The following PCNX1 variants were observed in gnomAD, a reference collection of about 807,000 sequenced individuals.
PCNX1 encodes pecanex-like protein 1.
PCNX1 carries 78 observed loss-of-function variants against 242.2 expected under a neutral mutation model. The ratio of observed to expected loss-of-function variants is 0.32; its 90% CI spans 0.27 to 0.39. PCNX1 has a LOEUF of 0.39. Ranked by LOEUF, PCNX1 falls within the 10% of genes least tolerant of loss-of-function variation. The probability of loss-of-function intolerance (pLI) is 1.00; values close to 1 mark genes in which losing one functional copy is unlikely to be tolerated. For missense variants in PCNX1, 2,581 were observed against 2,856.5 expected, an observed-to-expected ratio of 0.90 and a Z score of 2.20; for synonymous variants, 1,024 against 1,032.9, an observed-to-expected ratio of 0.99 and a Z score of 0.17.
chr14:70,995,612 T>C (rs1268111228), intron 7 of PCNX1, 129 bp from the exon 8 acceptor site: 1 of 695,264 alleles, frequency 1.4e-6, no homozygotes, highest in Non-Finnish European at 2.4e-6. Flanking sequence ...GCAAAGTTTG[T>C]TGGCGCTTTC....
intron 1 of PCNX1, among the ~76,000 whole-genome samples, chr14:70,927,719 A>G (rs1168070655): frequency 6.6e-6 from 1 of 151,866 alleles, no homozygotes; most frequent in Non-Finnish European, 1.5e-5. Flanking sequence ...GCTCCCTAGT[A>G]ATTGAGATTA....
At chr14:70,964,928 T>C (rs2058332252) in intron 3 of PCNX1, among the ~76,000 whole-genome samples, 1 of 152,228 alleles carries the variant, frequency 6.6e-6, no homozygotes, top group Admixed American at 6.5e-5. Flanking sequence ...TTAGAGAAGC[T>C]GAAGTGAGGA....
intron 13 of PCNX1, among the ~76,000 whole-genome samples, chr14:71,024,478 G>T (rs2060186259): frequency 6.6e-6 from 1 of 151,696 alleles, no homozygotes; most frequent in Admixed American, 6.6e-5. Context: ...CCCTCAATTT[G>T]AGTTTGTCTG....
At chr14:70,909,808 T>C (rs989401990) in intron 1 of PCNX1, among the ~76,000 whole-genome samples, 1 of 152,082 alleles carries the variant, frequency 6.6e-6, no homozygotes, top group Non-Finnish European at 1.5e-5. Context: ...CTTATCTCAA[T>C]TAATGGCAGT....
rs1395526819 is a variant in PCNX1 at position 70,969,056 on chromosome 14, A to G, written c.550A>G (p.Ser184Gly). The G allele has an allele frequency of 1.2e-6, 2 of 1,610,688 alleles. No individual in the cohort carries two copies. Among genetic ancestry groups the G allele is most frequent in the Non-Finnish European group, 8.5e-7 (1 of 1,176,994 alleles). ...TDTAKTSDDI[S>G]LSLGQSSSLC... ...CACTGCTAAGACTTCTGATGATATC[A>G]GTTTAAGTCTGGGCCAAAGTTCTAG... Residue 184 changes from serine to glycine, a missense_variant, in exon 5 of 36, where the codon AGT (serine) becomes GGT (glycine). Ser to Gly is a moderately conservative substitution (Grantham distance 56). Around this residue, in one of 9 missense-constraint regions of PCNX1, gnomAD observed 1,204 missense variants for 1,216.7 expected, o/e 0.99. Transcript: ENST00000304743.
chr14:71,002,437 T>C (rs966331933), intron 8 of PCNX1, among the ~76,000 whole-genome samples: 4 of 152,330 alleles, frequency 2.6e-5, no homozygotes, highest in African/African-American at 9.6e-5. Context: ...TTTTAACAGA[T>C]GTGTATACCC....
At chr14:71,048,507 G>C (rs1219008991) in intron 22 of PCNX1, among the ~76,000 whole-genome samples, 1 of 152,172 alleles carries the variant, frequency 6.6e-6, no homozygotes, top group Non-Finnish European at 1.5e-5. Context: ...TTGGTCCTCT[G>C]CCTCCTAACC....
At chr14:71,011,340 G>A in intron 9 of PCNX1, 152 bp from the exon 10 acceptor site, 1 of 638,288 alleles carries the variant, frequency 1.6e-6, no homozygotes, top group Non-Finnish European at 2.8e-6. Context: ...CTGACCCAGA[G>A]TCTATGTGCT....
chr14:71,083,770 A>G (rs866446515), intron 28 of PCNX1, among the ~76,000 whole-genome samples: 5 of 152,150 alleles, frequency 3.3e-5, no homozygotes, highest in African/African-American at 1.2e-4. Context: ...CAAGGTTCTT[A>G]GCTTCCTTGC....
At chr14:71,053,404 GC>G (rs1308268333) in intron 24 of PCNX1, 1 of 396,674 alleles carries the variant, frequency 2.5e-6, no homozygotes, top group Non-Finnish European at 4.9e-6. Context: ...TGCAACCTCC[GC>G]CTCCCAGGTT....
intron 7 of PCNX1, among the ~76,000 whole-genome samples, chr14:70,994,619 G>T (rs890743991): frequency 6.6e-6 from 1 of 151,192 alleles, no homozygotes; most frequent in Non-Finnish European, 1.5e-5. Context: ...CATTCTAGAG[G>T]TCTAATAATT....
intron 28 of PCNX1, among the ~76,000 whole-genome samples, chr14:71,079,096 A>C (rs993592355): frequency 6.6e-6 from 1 of 152,096 alleles, no homozygotes; most frequent in Non-Finnish European, 1.5e-5. Context: ...GAGAACATCC[A>C]GTGTTTGGTT....
chr14:71,036,372 CTTG>C (rs772610426), intron 19 of PCNX1, among the ~76,000 whole-genome samples: 1 of 152,034 alleles, frequency 6.6e-6, no homozygotes, highest in Non-Finnish European at 1.5e-5. Flanking sequence ...GAAACTGAGT[CTTG>C]TTGTGTTGCC....
chr14:70,934,906 A>C (rs2056940520), intron 1 of PCNX1, among the ~76,000 whole-genome samples: 1 of 152,190 alleles, frequency 6.6e-6, no homozygotes, highest in Non-Finnish European at 1.5e-5. Context: ...TGCTGGTAAT[A>C]ATTGTCAGCT....
At chr14:70,994,787 A>G (rs1338677387) in intron 7 of PCNX1, among the ~76,000 whole-genome samples, 2 of 152,036 alleles carry the variant, frequency 1.3e-5, no homozygotes, top group African/African-American at 4.8e-5. Flanking sequence ...GAACATTAAA[A>G]TTCATAGTAT....
chr14:70,912,278 T>C (rs1247694387), intron 1 of PCNX1, among the ~76,000 whole-genome samples: 1 of 152,094 alleles, frequency 6.6e-6, no homozygotes, highest in Non-Finnish European at 1.5e-5. Context: ...TAAAATTTAT[T>C]ACGTAAGTGG....
chr14:70,928,063 T>G (rs1427275392), intron 1 of PCNX1, among the ~76,000 whole-genome samples: 1 of 152,158 alleles, frequency 6.6e-6, no homozygotes, highest in Non-Finnish European at 1.5e-5. Context: ...TTTGACCTAA[T>G]ACTTTCATTA....
At chr14:71,020,129 T>A (rs2140746671) in intron 12 of PCNX1, among the ~76,000 whole-genome samples, 1 of 152,368 alleles carries the variant, frequency 6.6e-6, no homozygotes, top group East Asian at 1.9e-4. Flanking sequence ...TTTTTATGGC[T>A]GCATAGTATT....
chr14:71,006,347 C>A (rs2059667546), intron 8 of PCNX1, among the ~76,000 whole-genome samples: 1 of 152,080 alleles, frequency 6.6e-6, no homozygotes, highest in East Asian at 1.9e-4. Flanking sequence ...ATAATTTTTA[C>A]AAGTCTGAAA....
Sources: gnomAD v4.1 joint callset for allele counts (sites outside exome capture counted in the v4.1 genomes callset) on GRCh38, gnomAD v4.1.1 for gene constraint, gnomAD v4.1.1 regional missense constraint, MANE v1.5 for transcripts, NCBI Gene and HGNC (gene_info 2026-07-23, HGNC 2026-07-21) for gene names.